The following RASAL2 variants were observed in gnomAD, a reference collection of about 807,000 sequenced individuals.
RASAL2 encodes ras GTPase-activating protein nGAP.
In RASAL2, 58 loss-of-function variants were observed where a neutral mutation model predicts 128.9. The ratio of observed to expected loss-of-function variants is 0.45; its 90% CI spans 0.36 to 0.56. The LOEUF (loss-of-function observed/expected upper bound fraction) is 0.56. RASAL2 is among the 20% of genes least tolerant of loss of function. The pLI, the probability that RASAL2 is intolerant of heterozygous loss-of-function variation, is 0.00. For synonymous variants in RASAL2, 561 were observed against 580.8 expected (o/e 0.97, Z 0.49); for missense variants, 1,360 against 1,601.6 (o/e 0.85, Z 2.57).
intron 5 of RASAL2, among the ~76,000 whole-genome samples, chr1:178,435,266 C>T (rs1676180360): frequency 6.6e-6 from 1 of 152,094 alleles, no homozygotes. Context: ...GCTAGCACCA[C>T]CAAGCCTCAT....
At chr1:178,392,308 G>A (rs191132884) in intron 4 of RASAL2, among the ~76,000 whole-genome samples, 32 of 152,198 alleles carry the variant, frequency 2.1e-4, no homozygotes, top group Admixed American at 1.2e-3. Flanking sequence ...AATTGACAGG[G>A]GAAGAAAGTA....
At chr1:178,419,827 C>T (rs1232628759) in intron 4 of RASAL2, among the ~76,000 whole-genome samples, 2 of 152,164 alleles carry the variant, frequency 1.3e-5, no homozygotes, top group African/African-American at 2.4e-5. Flanking sequence ...CACTTTGTTC[C>T]AGTCTGGAAG....
chr1:178,443,448 A>T (rs879581872), intron 8 of RASAL2, among the ~76,000 whole-genome samples: 9 of 152,222 alleles, frequency 5.9e-5, no homozygotes, highest in Non-Finnish European at 8.8e-5. Context: ...GCCAATTTGC[A>T]TGAAACATAG....
At chr1:178,240,003 A>G (rs867923403) in intron 1 of RASAL2, among the ~76,000 whole-genome samples, 4 of 152,060 alleles carry the variant, frequency 2.6e-5, no homozygotes, top group Admixed American at 6.5e-5. Context: ...CCCTTAGCCT[A>G]TAATAAAACA....
chr1:178,464,842 T>TG (rs1219515136), intron 15 of RASAL2, among the ~76,000 whole-genome samples: 1 of 130,338 alleles, frequency 7.7e-6, no homozygotes, highest in Non-Finnish European at 1.7e-5. Flanking sequence ...TTTTTTTTTT[T>TG]TTTTTTTTTT....
chr1:178,461,938 G>C (rs984442425), intron 14 of RASAL2, among the ~76,000 whole-genome samples: 1 of 152,210 alleles, frequency 6.6e-6, no homozygotes, highest in African/African-American at 2.4e-5. Flanking sequence ...TGAAACTGCT[G>C]CATCAGGCTC....
At chr1:178,232,952 A>G (rs1664072761) in intron 1 of RASAL2, among the ~76,000 whole-genome samples, 1 of 152,222 alleles carries the variant, frequency 6.6e-6, no homozygotes, top group Admixed American at 6.5e-5. Flanking sequence ...TTCACTTAAA[A>G]AAATCATTTC....
chr1:178,180,713 G>A (rs1239406361), intron 1 of RASAL2, among the ~76,000 whole-genome samples: 3 of 131,358 alleles, frequency 2.3e-5, no homozygotes, highest in Non-Finnish European at 3.3e-5. Context: ...AAGAAGAAAA[G>A]GCATTATTGC....
chr1:178,160,996 C>A (rs1661269171), intron 1 of RASAL2, among the ~76,000 whole-genome samples: 2 of 152,164 alleles, frequency 1.3e-5, no homozygotes, highest in Admixed American at 1.3e-4. Context: ...CTGGCCTCTT[C>A]TTCCTCTTTG....
chr1:178,264,790 A>G (rs1312383448), intron 1 of RASAL2, among the ~76,000 whole-genome samples: 4 of 152,142 alleles, frequency 2.6e-5, no homozygotes, highest in African/African-American at 9.7e-5. Flanking sequence ...GATATGATTG[A>G]TTAAATCATT....
intron 3 of RASAL2, among the ~76,000 whole-genome samples, chr1:178,348,536 C>G (rs1201074325): frequency 6.6e-6 from 1 of 152,158 alleles, no homozygotes; most frequent in Non-Finnish European, 1.5e-5. Flanking sequence ...TGGCCTCAAG[C>G]AGCCCTCCCA....
intron 1 of RASAL2, among the ~76,000 whole-genome samples, chr1:178,272,587 A>G (rs1666311558): frequency 6.6e-6 from 1 of 151,988 alleles, no homozygotes; most frequent in African/African-American, 2.4e-5. Context: ...TTGAACTCTC[A>G]CTTTAGTTCA....
intron 3 of RASAL2, among the ~76,000 whole-genome samples, chr1:178,374,800 G>A (rs1336544358): frequency 1.3e-5 from 2 of 152,086 alleles, no homozygotes; most frequent in African/African-American, 4.8e-5. Context: ...TCTTCTGTCA[G>A]CAGTGTTCAA....
intron 4 of RASAL2, among the ~76,000 whole-genome samples, chr1:178,416,105 A>G (rs1289552437): frequency 3.3e-5 from 5 of 151,882 alleles, no homozygotes; most frequent in Non-Finnish European, 2.9e-5. Flanking sequence ...ACTGTTTTCT[A>G]TTTGTTGCCT....
chr1:178,301,114 T>G (rs950761722), intron 3 of RASAL2, among the ~76,000 whole-genome samples: 31 of 152,170 alleles, frequency 2.0e-4, no homozygotes, highest in African/African-American at 7.5e-4. Flanking sequence ...GGGCAGAATT[T>G]GAATCTTTTA....
At chr1:178,306,289 G>T (rs1256251197) in intron 3 of RASAL2, among the ~76,000 whole-genome samples, 1 of 152,040 alleles carries the variant, frequency 6.6e-6, no homozygotes, top group Non-Finnish European at 1.5e-5. Flanking sequence ...TCTTAATCCA[G>T]TCTATCATTG....
At chr1:178,217,516 G>A (rs889957569) in intron 1 of RASAL2, among the ~76,000 whole-genome samples, 6 of 152,106 alleles carry the variant, frequency 3.9e-5, no homozygotes, top group African/African-American at 1.4e-4. Flanking sequence ...ACAAGCTACA[G>A]GCATACTGCA....
chr1:178,118,995 G>A (rs1445997680), intron 1 of RASAL2, among the ~76,000 whole-genome samples: 1 of 152,068 alleles, frequency 6.6e-6, no homozygotes, highest in Admixed American at 6.6e-5. Flanking sequence ...AGCCTCCCAA[G>A]TAGCTGGGAT....
rs759827200 is a variant in RASAL2, at chr1:178,416,073, G to T, written c.565-4438G>T. Reference sequence around the variant, plus strand: ...GTTCGAAGTGATTATTGACATAGTTGGGTTTCTAACCATATTTGTTAACTG... The same window carrying T: ...GTTCGAAGTGATTATTGACATAGTTTGGTTTCTAACCATATTTGTTAACTG... On this transcript the variant is annotated intron_variant, in intron 4 of 17. Transcript: ENST00000367649. 5.9e-4 allele frequency among the ~76,000 whole-genome samples: 89 copies of T among 151,984 alleles called. 1 individual carries two copies. The highest frequency in any genetic ancestry group is 1.2e-3 in the Non-Finnish European group (82 of 67,930).
Sources: gnomAD v4.1 joint callset for allele counts (sites outside exome capture counted in the v4.1 genomes callset) on GRCh38, gnomAD v4.1.1 for gene constraint, MANE v1.5 for transcripts, NCBI Gene and HGNC (gene_info 2026-07-23, HGNC 2026-07-21) for gene names.